The following MTFR2 variants were observed in gnomAD, a reference collection of about 807,000 sequenced individuals.
MTFR2 encodes mitochondrial fission regulator 2.
Under a neutral mutation model 41.2 loss-of-function variants are expected in MTFR2, and 44 were observed. The observed-to-expected ratio is 1.07, with a 90% CI of 0.84 to 1.37. The LOEUF (loss-of-function observed/expected upper bound fraction) is 1.37. Ranked by LOEUF, MTFR2 falls within the 40% of genes most tolerant of loss-of-function variation. The pLI is 0.00. For missense variants in MTFR2, 452 were observed against 459.5 expected, an observed-to-expected ratio of 0.98 and a Z score of 0.15; for synonymous variants, 141 against 154.6, an observed-to-expected ratio of 0.91 and a Z score of 0.65.
intron 1 of MTFR2, among the ~76,000 whole-genome samples, chr6:136,249,565 A>G (rs1460858247): frequency 6.6e-6 from 1 of 152,154 alleles, no homozygotes; most frequent in East Asian, 1.9e-4. Flanking sequence ...AAAAAAATAA[A>G]CAGTAGCTCT....
intron 3 of MTFR2, among the ~76,000 whole-genome samples, chr6:136,244,461 G>A (rs1293504268): frequency 1.3e-5 from 2 of 152,128 alleles, no homozygotes; most frequent in Non-Finnish European, 1.5e-5. Flanking sequence ...ATATAGCCTG[G>A]GTGCATAATA....
intron 7 of MTFR2, among the ~76,000 whole-genome samples, chr6:136,231,814 T>G (rs948956601): frequency 6.6e-5 from 10 of 152,276 alleles, no homozygotes; most frequent in African/African-American, 2.4e-4. Flanking sequence ...GGAAACAGTG[T>G]GTTCCACCTA....
At position 136,249,171 on chromosome 6, in the gene MTFR2, G is replaced by A; in HGVS notation, c.-54-18C>T. 1 of 1,301,898 alleles carries A rather than the reference G, an allele frequency of 7.7e-7. No homozygotes were observed. Among genetic ancestry groups the A allele is most frequent in the Non-Finnish European group, 1.1e-6 (1 of 949,734 alleles). 80.6% of individuals were successfully genotyped at this position (1,301,898 alleles called of 1,614,324 possible). A position where few individuals can be genotyped will look rare whatever the true frequency, so the allele number is the denominator to read the frequency against. ...CTTGGTGCCTTTGGGGAAAATTTTA[G>A]AAAATGTTACTCTTGACAAATAAAT... On this transcript the variant is annotated intron_variant, in intron 1 of 7. Coordinates refer to ENST00000420702, the MANE Select transcript of MTFR2 (RefSeq NM_001099286.3).
At chr6:136,231,567 C>T (rs745555176) in intron 7 of MTFR2, among the ~76,000 whole-genome samples, 179 bp from the exon 8 acceptor site, 12 of 141,644 alleles carry the variant, frequency 8.5e-5, no homozygotes, top group African/African-American at 1.3e-4. Context: ...GAGCCAAGGA[C>T]AAAAGTGAAC....
At chr6:136,238,945 A>G (rs1229849705) in intron 6 of MTFR2, among the ~76,000 whole-genome samples, 1 of 152,000 alleles carries the variant, frequency 6.6e-6, no homozygotes, top group East Asian at 1.9e-4. Flanking sequence ...GCACATGCCT[A>G]TAGTCCCAGC....
chr6:136,231,373 A>C lies in MTFR2; in HGVS notation c.1060T>G (p.Ser354Ala), dbSNP rs1476884395. Residue 354 changes from serine to alanine, a missense_variant, in exon 8 of 8, where the codon TCA (serine) becomes GCA (alanine). Transcript: ENST00000420702. Reference protein sequence around the residue: ...PETSRFGHHISQSEGQRTKEE... With the variant: ...PETSRFGHHIAQSEGQRTKEE... Reference sequence around the variant, plus strand: ...TTAGTTCGCTGTCCTTCTGACTGTGAAATGTGATGTCCAAACTGAAATAAA... The same window carrying C: ...TTAGTTCGCTGTCCTTCTGACTGTGCAATGTGATGTCCAAACTGAAATAAA... 3.1e-6 allele frequency: 5 copies of C among 1,608,254 alleles called. No homozygotes were observed. The highest frequency in any genetic ancestry group is 4.2e-6 in the Non-Finnish European group (5 of 1,176,612).
chr6:136,231,844 T>C (rs1413462984), intron 7 of MTFR2, among the ~76,000 whole-genome samples: 3 of 151,840 alleles, frequency 2.0e-5, no homozygotes, highest in Non-Finnish European at 4.4e-5. Flanking sequence ...CTTACATAAA[T>C]GCATCCTCAA....
At chr6:136,233,865 T>A (rs1480815584) in intron 6 of MTFR2, among the ~76,000 whole-genome samples, 3 of 151,390 alleles carry the variant, frequency 2.0e-5, no homozygotes, top group Admixed American at 1.3e-4. Context: ...AAAAAAAAAA[T>A]TACGCAAATT....
At chr6:136,244,955 A>C in intron 2 of MTFR2, 86 bp from the exon 3 acceptor site, 1 of 982,008 alleles carries the variant, frequency 1.0e-6, no homozygotes, top group Non-Finnish European at 1.4e-6. Context: ...TAAAAAAGAC[A>C]AAAAAGACGC....
chr6:136,231,216 G>T lies in MTFR2; in HGVS notation c.*59C>A. On this transcript the variant is annotated 3_prime_UTR_variant, in exon 8 of 8. Transcript: ENST00000420702. ...TTTAACAGTCCAAATCAGTTTCTAAGAATAATTTATCATCCAGGAAGAAGT... is the reference window on the plus strand; with the variant it reads ...TTTAACAGTCCAAATCAGTTTCTAATAATAATTTATCATCCAGGAAGAAGT... 1 of 1,123,718 alleles carries T rather than the reference G, an allele frequency of 8.9e-7. No individual in the cohort carries two copies. Among genetic ancestry groups the T allele is most frequent in the South Asian group, 1.3e-5 (1 of 74,226 alleles). The allele number at this position is 1,123,718 out of a possible 1,614,324, so 69.6% of individuals were successfully genotyped here.
chr6:136,239,434 T>C, intron 6 of MTFR2, 32 bp downstream of exon 6: 1 of 1,501,344 alleles, frequency 6.7e-7, no homozygotes, highest in Non-Finnish European at 9.0e-7. Flanking sequence ...TTGACAAAAT[T>C]TCAGTTCACT....
chr6:136,235,082 G>T (rs982391993), intron 6 of MTFR2, among the ~76,000 whole-genome samples: 13 of 152,224 alleles, frequency 8.5e-5, no homozygotes, highest in African/African-American at 2.9e-4. Context: ...TAGAGACTGG[G>T]TTTCACCATG....
At position 136,231,047 on chromosome 6, in the gene MTFR2, T is replaced by C. The variant is rs895839479; in HGVS notation, c.*228A>G. 3 of 354,134 alleles carry C rather than the reference T, an allele frequency of 8.5e-6. No individual in the cohort carries two copies. Among genetic ancestry groups the C allele is most frequent in the Non-Finnish European group, 1.5e-5 (3 of 197,986 alleles). 21.9% of individuals were successfully genotyped at this position (354,134 alleles called of 1,614,324 possible). A position where few individuals can be genotyped will look rare whatever the true frequency, so the allele number is the denominator to read the frequency against. The stretch of plus-strand genomic sequence containing the variant: ...AACACAAGCAAGTTCAAAAAGAATG[T>C]TTATTTTAAGCTCTATGTACAGAAG... On this transcript the variant is annotated 3_prime_UTR_variant, in exon 8 of 8. Transcript: ENST00000420702.
Position 136,247,389 on chromosome 6 carries a change from A to C in MTFR2, c.63+1648T>G, listed in dbSNP as rs1257013242. ...TCTCTTTTCACTCTCTCTCACTTTC[A>C]TTCTGTTCTTTAAGGCAGGACAGTC... On this transcript the variant is annotated intron_variant, in intron 2 of 7. Coordinates refer to ENST00000420702, the MANE Select transcript of MTFR2 (RefSeq NM_001099286.3). 6 of 391,836 alleles carry C rather than the reference A, an allele frequency of 1.5e-5. No individual in the cohort carries two copies. In the East Asian group the frequency reaches 4.5e-4, roughly 30 times the overall value. The allele number at this position is 391,836 out of a possible 1,614,324, so 24.3% of individuals were successfully genotyped here. A position where few individuals can be genotyped will look rare whatever the true frequency, so the allele number is the denominator to read the frequency against.
chr6:136,247,666 C>A, intron 2 of MTFR2: 1 of 405,866 alleles, frequency 2.5e-6, no homozygotes, highest in Non-Finnish European at 4.8e-6. Context: ...GCTGATCCCA[C>A]CTCCCTTCCT....
intron 6 of MTFR2, among the ~76,000 whole-genome samples, chr6:136,235,867 G>T (rs1583960642): frequency 6.6e-6 from 1 of 152,194 alleles, no homozygotes; most frequent in Admixed American, 6.5e-5. Context: ...AGGAGGCAGA[G>T]GTTGCAGTGA....
chr6:136,248,404 T>C (rs1474403206), intron 2 of MTFR2, among the ~76,000 whole-genome samples: 1 of 152,206 alleles, frequency 6.6e-6, no homozygotes, highest in Non-Finnish European at 1.5e-5. Flanking sequence ...GCTTCTCCCA[T>C]ACTATGCTCG....
chr6:136,246,339 A>C (rs1179361709), intron 2 of MTFR2, among the ~76,000 whole-genome samples: 2 of 151,384 alleles, frequency 1.3e-5, no homozygotes, highest in Non-Finnish European at 2.9e-5. Context: ...GCTGGAGTGC[A>C]GGGCATGATC....
chr6:136,233,502 A>AT lies in MTFR2; in HGVS notation c.870-4dup, dbSNP rs199945186. 36 of 1,468,578 alleles carry AT rather than the reference A, an allele frequency of 2.5e-5. No homozygotes were observed. In the African/African-American group the frequency reaches 2.9e-4, roughly 12 times the overall value. The allele number at this position is 1,468,578 out of a possible 1,614,324, so 91.0% of individuals were successfully genotyped here. A position where few individuals can be genotyped will look rare whatever the true frequency, so the allele number is the denominator to read the frequency against. On this transcript the variant is annotated splice_region_variant and splice_polypyrimidine_tract_variant and intron_variant, in intron 6 of 7. Coordinates refer to ENST00000420702, the MANE Select transcript of MTFR2 (RefSeq NM_001099286.3). ...GAATGGGTCTACCGCCAGGTGACCTATTTTTTAAAAAAAAAAATTGAATTT... is the reference window on the plus strand; with the variant it reads ...GAATGGGTCTACCGCCAGGTGACCTATTTTTTTAAAAAAAAAAATTGAATTT...
Sources: gnomAD v4.1 joint callset for allele counts (sites outside exome capture counted in the v4.1 genomes callset) on GRCh38, gnomAD v4.1.1 for gene constraint, MANE v1.5 for transcripts, NCBI Gene and HGNC (gene_info 2026-07-23, HGNC 2026-07-21) for gene names.